Variants in ZNF521 observed in about 807,000 individuals in gnomAD.
ZNF521 encodes the protein LYST-interacting protein 3.
In ZNF521, 14 loss-of-function variants were observed where a neutral mutation model predicts 105.5. That is an observed-to-expected ratio of 0.13 (90% CI 0.09 to 0.21). ZNF521 has a LOEUF of 0.21. Ranked by LOEUF, ZNF521 falls within the 10% of genes least tolerant of loss-of-function variation. The pLI is 1.00. For missense variants in ZNF521, 1,233 were observed against 1,629.7 expected (o/e 0.76, Z 4.19); for synonymous variants, 635 against 606.0 (o/e 1.05, Z -0.70).
intron 3 of ZNF521, among the ~76,000 whole-genome samples, chr18:25,292,378 G>A (rs1196188110): frequency 6.6e-6 from 1 of 152,160 alleles, no homozygotes; most frequent in Non-Finnish European, 1.5e-5. Context: ...CATTTCACAT[G>A]AGTTGCCTTA....
Position 25,225,909 on chromosome 18 carries a change from T to C in ZNF521, c.2009A>G (p.Asn670Ser). Residue 670 changes from asparagine to serine, a missense_variant, in exon 4 of 8, where the codon AAC becomes AGC. Asn to Ser is a conservative substitution (Grantham distance 46). Transcript: ENST00000361524. The surrounding 1 kb of genome is among the most constrained non-coding windows in gnomAD (Gnocchi z 5.6). ...GGATTCTTGGTTGGGGAATTCCTTGTTGCACTGAGGACAGGTCAATTTTGG... is the reference window on the plus strand; with the variant it reads ...GGATTCTTGGTTGGGGAATTCCTTGCTGCACTGAGGACAGGTCAATTTTGG... ...VLPKLTCPQC[N>S]KEFPNQESLL... 1 of 1,614,144 alleles carries C rather than the reference T, an allele frequency of 6.2e-7. No homozygotes were observed. The highest frequency in any genetic ancestry group is 8.5e-7 in the Non-Finnish European group (1 of 1,180,016).
In ZNF521 at chr18:25,150,368, A is replaced by G. The variant is rs564116137; in HGVS notation, c.3658+44792T>C. Among the ~76,000 whole-genome samples, 12 of 152,278 alleles carry G rather than the reference A, an allele frequency of 7.9e-5. No homozygotes were observed. In the South Asian group the frequency reaches 1.7e-3, roughly 21 times the overall value. On this transcript the variant is annotated intron_variant, in intron 5 of 7. Coordinates refer to ENST00000361524, the MANE Select transcript of ZNF521 (RefSeq NM_015461.3). ...GGTGATGGGTGCACCCAAATCCCACATATCACCCCTAAAGAACTTACTCAC... is the reference window on the plus strand; with the variant it reads ...GGTGATGGGTGCACCCAAATCCCACGTATCACCCCTAAAGAACTTACTCAC...
chr18:25,348,264 G>T (rs559599680), intron 2 of ZNF521, among the ~76,000 whole-genome samples: 93 of 152,030 alleles, frequency 6.1e-4, no homozygotes, highest in Non-Finnish European at 1.1e-3. Flanking sequence ...TGGACAATCC[G>T]CATACTCAGA....
chr18:25,156,440 C>T (rs112612080), intron 5 of ZNF521, among the ~76,000 whole-genome samples: 26 of 152,188 alleles, frequency 1.7e-4, no homozygotes, highest in South Asian at 4.1e-4. Flanking sequence ...CATTTTCTCA[C>T]GCTCATTCGT....
intron 4 of ZNF521, among the ~76,000 whole-genome samples, chr18:25,203,314 T>C (rs1325591414): frequency 1.3e-5 from 2 of 152,138 alleles, no homozygotes; most frequent in Non-Finnish European, 2.9e-5. Flanking sequence ...AATAATTTTC[T>C]TGAGTTTGAA....
chr18:25,273,888 T>C (rs1909855225), intron 3 of ZNF521, among the ~76,000 whole-genome samples: 2 of 152,168 alleles, frequency 1.3e-5, no homozygotes, highest in African/African-American at 4.8e-5. Context: ...TTATTAATAA[T>C]AAACTAATTG....
intron 5 of ZNF521, among the ~76,000 whole-genome samples, chr18:25,129,671 G>C (rs986629020): frequency 5.9e-5 from 9 of 151,916 alleles, no homozygotes; most frequent in Admixed American, 4.6e-4. Context: ...GTGGCGGGGT[G>C]GGGGGTATGA....
intron 3 of ZNF521, among the ~76,000 whole-genome samples, chr18:25,268,629 A>G (rs1250123301): frequency 6.6e-6 from 1 of 152,254 alleles, no homozygotes; most frequent in Admixed American, 6.5e-5. Flanking sequence ...AATATTCAAC[A>G]TTCTTAAAGA....
chr18:25,344,001 GT>G (rs1280122215), intron 2 of ZNF521, among the ~76,000 whole-genome samples: 1 of 152,040 alleles, frequency 6.6e-6, no homozygotes, highest in Non-Finnish European at 1.5e-5. Context: ...GCTTGTAGCT[GT>G]GGCAGGGTCC....
chr18:25,249,542 G>A (rs571567864), intron 3 of ZNF521, among the ~76,000 whole-genome samples: 4 of 151,160 alleles, frequency 2.6e-5, no homozygotes, highest in Admixed American at 6.6e-5. Flanking sequence ...GCTCACTGCA[G>A]CCTCTGCCTC....
At chr18:25,112,002 C>T (rs1170220582) in intron 5 of ZNF521, among the ~76,000 whole-genome samples, 1 of 152,116 alleles carries the variant, frequency 6.6e-6, no homozygotes, top group African/African-American at 2.4e-5. Context: ...GGGAAGCTTC[C>T]CTAAAGGACA....
intron 3 of ZNF521, among the ~76,000 whole-genome samples, chr18:25,307,809 A>C (rs1206394828): frequency 6.6e-6 from 1 of 152,170 alleles, no homozygotes; most frequent in Non-Finnish European, 1.5e-5. Flanking sequence ...TATTCTGAGA[A>C]AAGCCAATTA....
At chr18:25,118,155 C>A (rs970346466) in intron 5 of ZNF521, among the ~76,000 whole-genome samples, 15 of 152,034 alleles carry the variant, frequency 9.9e-5, no homozygotes, top group Non-Finnish European at 1.8e-4. Flanking sequence ...TATTAAAATA[C>A]TACAGAAATC....
intron 5 of ZNF521, among the ~76,000 whole-genome samples, chr18:25,183,105 T>TA (rs1224501278): frequency 6.6e-6 from 1 of 152,172 alleles, no homozygotes; most frequent in Non-Finnish European, 1.5e-5. Flanking sequence ...TGTACAACAA[T>TA]ATCTGTCTAA....
intron 3 of ZNF521, among the ~76,000 whole-genome samples, chr18:25,320,835 T>A (rs1912899229): frequency 6.6e-6 from 1 of 152,188 alleles, no homozygotes; most frequent in African/African-American, 2.4e-5. Context: ...AAACTTCAGT[T>A]CCAGAAAATG....
chr18:25,296,108 T>C (rs1252593278), intron 3 of ZNF521, among the ~76,000 whole-genome samples: 1 of 152,218 alleles, frequency 6.6e-6, no homozygotes, highest in Non-Finnish European at 1.5e-5. Context: ...TATCCATCTT[T>C]TTGTTTCAAT....
Position 25,294,434 on chromosome 18 carries a change from T to C in ZNF521, c.220+27574A>G, listed in dbSNP as rs535524048. Among the ~76,000 whole-genome samples the C allele has an allele frequency of 5.3e-5, 8 of 152,332 alleles. No homozygotes were observed. The South Asian group carries it at 1.7e-3, about 32-fold the overall frequency. On this transcript the variant is annotated intron_variant, in intron 3 of 7. Coordinates refer to ENST00000361524, the MANE Select transcript of ZNF521 (RefSeq NM_015461.3). ...CTTCTGACTCTGGAAAAACAGGTTT[T>C]CGTTTTTAAATTACTAGACACTAGT...
In ZNF521 at chr18:25,225,264, A is replaced by G; in HGVS notation, c.2654T>C (p.Met885Thr). 11 of 1,614,134 alleles carry G rather than the reference A, an allele frequency of 6.8e-6. No individual in the cohort carries two copies. The highest frequency in any genetic ancestry group is 2.2e-5 in the South Asian group (2 of 91,082). The change falls in exon 4 of 8, where the codon ATG becomes ACG. Residue 885 changes from methionine to threonine, a missense_variant. Transcript: ENST00000361524. This position sits in a 1 kb window ranked among gnomAD's most constrained non-coding sequence, Gnocchi z 5.6. Reference sequence around the variant, plus strand: ...TGCCCCACAAATGTCGCAGCCGTACATAGGCTCAGAGGTGTCAACGTCTTC... The same window carrying G: ...TGCCCCACAAATGTCGCAGCCGTACGTAGGCTCAGAGGTGTCAACGTCTTC... ...SEEDVDTSEPMYGCDICGAAY... is the reference protein window; with the variant it reads ...SEEDVDTSEPTYGCDICGAAY...
rs144777796 is a variant in ZNF521, at chr18:25,190,641, T to C, written c.3658+4519A>G. Among the ~76,000 whole-genome samples, 484 of 152,268 alleles carry C rather than the reference T, an allele frequency of 3.2e-3. 3 individuals carry two copies. The highest frequency in any genetic ancestry group is 0.011 in the African/African-American group (462 of 41,546). The stretch of plus-strand genomic sequence containing the variant: ...AAAACAATAATGAAGATTAGTCACA[T>C]AGTACACCACCCACTAAAGAAATGA... On this transcript the variant is annotated intron_variant, in intron 5 of 7. Transcript: ENST00000361524.
Sources: gnomAD v4.1 joint callset for allele counts (sites outside exome capture counted in the v4.1 genomes callset) on GRCh38, gnomAD v4.1.1 for gene constraint, Gnocchi (gnomAD v3.1) non-coding constraint, MANE v1.5 for transcripts, NCBI Gene and HGNC (gene_info 2026-07-23, HGNC 2026-07-21) for gene names.